PINX1: variants seen among roughly 807,000 people sequenced by gnomAD.
PINX1 encodes PIN2/TERF1-interacting telomerase inhibitor 1.
In PINX1, 34 loss-of-function variants were observed where a neutral mutation model predicts 25.4. That is an observed-to-expected ratio of 1.34 (90% CI 1.02 to 1.78). The LOEUF is 1.78. Among genes scored for constraint, PINX1 ranks in the 40% most tolerant of loss-of-function variants. PINX1 has a pLI of 0.00. For synonymous variants in PINX1, 197 were observed against 147.7 expected (o/e 1.33, Z -2.42); for missense variants, 592 against 404.9 (o/e 1.46, Z -3.97).
At position 10,777,722 on chromosome 8, in the gene PINX1, G is replaced by T. The variant is rs1262340349; in HGVS notation, c.472-11806C>A. Among the ~76,000 whole-genome samples the T allele has an allele frequency of 2.0e-5, 3 of 152,308 alleles. No individual in the cohort carries two copies. The East Asian group carries it at 5.8e-4, about 29-fold the overall frequency. On this transcript the variant is annotated intron_variant, in intron 6 of 6. Coordinates refer to ENST00000314787, the MANE Select transcript of PINX1 (RefSeq NM_017884.6). The stretch of plus-strand genomic sequence containing the variant: ...TCTCTGTTGGAACTGGAGCAACTAG[G>T]AGAGATGTTTTTATAAGGACTTCCG...
chr8:10,771,428 A>G (rs1158735767), intron 6 of PINX1: 1 of 152,236 alleles, frequency 6.6e-6, no homozygotes, highest in Non-Finnish European at 1.5e-5. Flanking sequence ...CCAAGTGAAC[A>G]TCCTTTCTTG....
intron 6 of PINX1, among the ~76,000 whole-genome samples, chr8:10,766,727 T>C (rs79244282): frequency 0.03 from 4,515 of 152,344 alleles, 93 homozygotes; most frequent in Non-Finnish European, 0.049. Flanking sequence ...TAATTTTAAA[T>C]GAGTATATCT....
At chr8:10,777,975 T>A (rs1390390981) in intron 6 of PINX1, among the ~76,000 whole-genome samples, 1 of 152,132 alleles carries the variant, frequency 6.6e-6, no homozygotes, top group Non-Finnish European at 1.5e-5. Flanking sequence ...CACGGGATAA[T>A]CCGCCTCACA....
At chr8:10,772,901 T>G (rs913850982) in intron 6 of PINX1, among the ~76,000 whole-genome samples, 1 of 151,604 alleles carries the variant, frequency 6.6e-6, no homozygotes, top group African/African-American at 2.4e-5. Context: ...ACTGGTGAAC[T>G]ATGGCCGTGG....
At position 10,786,757 on chromosome 8, in the gene PINX1, C is replaced by T. The variant is rs141545781; in HGVS notation, c.472-20841G>A. 3.3e-5 allele frequency among the ~76,000 whole-genome samples: 5 copies of T among 152,258 alleles called. No individual in the cohort carries two copies. In the East Asian group the frequency reaches 7.7e-4, roughly 24 times the overall value. ...TCTTGCTTCCTCCCTCTTGCTCCCC[C>T]AGAAAGCAGTCCTGAAAGCACTCCT... On this transcript the variant is annotated intron_variant, in intron 6 of 6. Transcript: ENST00000314787.
intron 6 of PINX1, among the ~76,000 whole-genome samples, chr8:10,813,515 A>G (rs941050684): frequency 6.6e-6 from 1 of 152,200 alleles, no homozygotes; most frequent in Non-Finnish European, 1.5e-5. Flanking sequence ...ATTCATTTTC[A>G]GACTGGATAA....
intron 6 of PINX1, among the ~76,000 whole-genome samples, chr8:10,793,941 G>A (rs1052359836): frequency 6.6e-6 from 1 of 152,096 alleles, no homozygotes; most frequent in East Asian, 1.9e-4. Context: ...TCAAAGAGGC[G>A]ACAAAATAAT....
chr8:10,782,135 TAG>T (rs1406426162), intron 6 of PINX1, among the ~76,000 whole-genome samples: 1 of 151,880 alleles, frequency 6.6e-6, no homozygotes, highest in Non-Finnish European at 1.5e-5. Context: ...GGAATAGAAA[TAG>T]AGAGTAAGAT....
intron 6 of PINX1, among the ~76,000 whole-genome samples, chr8:10,818,152 C>G (rs540040122): frequency 6.6e-6 from 1 of 152,068 alleles, no homozygotes; most frequent in Non-Finnish European, 1.5e-5. Context: ...AAATTTATCA[C>G]TGGAAGAAAA....
chr8:10,835,657 T>C (rs546097099), intron 1 of PINX1, among the ~76,000 whole-genome samples: 1 of 152,334 alleles, frequency 6.6e-6, no homozygotes, highest in Non-Finnish European at 1.5e-5. Flanking sequence ...TTAGGGCTCA[T>C]ATTCATGTCT....
chr8:10,839,662 C>T (rs1289735806), intron 1 of PINX1, 76 bp downstream of exon 1: 1 of 1,475,364 alleles, frequency 6.8e-7, no homozygotes, highest in East Asian at 2.4e-5. Context: ...AGCTCCCAGC[C>T]ACTCCGGGCT....
At chr8:10,780,018 C>T (rs1311752838) in intron 6 of PINX1, among the ~76,000 whole-genome samples, 1 of 152,150 alleles carries the variant, frequency 6.6e-6, no homozygotes, top group African/African-American at 2.4e-5. Flanking sequence ...CTCAACAGTA[C>T]TCAGGTCATT....
chr8:10,792,956 C>A (rs370783259), intron 6 of PINX1, among the ~76,000 whole-genome samples: 3 of 152,204 alleles, frequency 2.0e-5, no homozygotes, highest in African/African-American at 7.2e-5. Context: ...TGACCGCACA[C>A]TGCACCTCAG....
At chr8:10,797,104 C>T (rs551069063) in intron 6 of PINX1, among the ~76,000 whole-genome samples, 1 of 152,162 alleles carries the variant, frequency 6.6e-6, no homozygotes, top group Non-Finnish European at 1.5e-5. Flanking sequence ...TACAGTAAAG[C>T]GGGTGACGGA....
intron 6 of PINX1, among the ~76,000 whole-genome samples, chr8:10,789,584 T>C (rs1801858314): frequency 6.6e-6 from 1 of 152,172 alleles, no homozygotes; most frequent in Non-Finnish European, 1.5e-5. Flanking sequence ...GACAGGGCAG[T>C]GGTCAGAGGA....
At chr8:10,765,983 G>C in intron 6 of PINX1, 67 bp from the exon 7 acceptor site, 1 of 1,509,056 alleles carries the variant, frequency 6.6e-7, no homozygotes, top group Non-Finnish European at 9.0e-7. Flanking sequence ...GCACCCAGGA[G>C]GCACCCACAC....
At chr8:10,791,851 C>T (rs920112468) in intron 6 of PINX1, among the ~76,000 whole-genome samples, 2 of 152,230 alleles carry the variant, frequency 1.3e-5, no homozygotes, top group African/African-American at 4.8e-5. Context: ...GCGGTTCCTG[C>T]CTGGGAGCGG....
At chr8:10,825,915 C>G (rs1422691672) in intron 5 of PINX1, among the ~76,000 whole-genome samples, 1 of 152,232 alleles carries the variant, frequency 6.6e-6, no homozygotes, top group African/African-American at 2.4e-5. Context: ...AGCCACAGGA[C>G]TTGTTTACAG....
intron 6 of PINX1, among the ~76,000 whole-genome samples, chr8:10,793,269 A>G (rs1418357331): frequency 6.6e-6 from 1 of 152,116 alleles, no homozygotes; most frequent in Non-Finnish European, 1.5e-5. Context: ...TGGTCTACAA[A>G]CCAAATTATT....
Sources: allele counts gnomAD v4.1 joint callset (sites outside exome capture counted in the v4.1 genomes callset), GRCh38; gene constraint gnomAD v4.1.1; transcripts MANE v1.5; gene names NCBI Gene and HGNC (gene_info 2026-07-23, HGNC 2026-07-21).